Variants in ATP6V1G1 observed in about 807,000 individuals in gnomAD.
ATP6V1G1 encodes V-type proton ATPase subunit G 1.
Under a neutral mutation model 14.2 loss-of-function variants are expected in ATP6V1G1, and 14 were observed. The observed-to-expected ratio is 0.99, with a 90% CI of 0.65 to 1.55. ATP6V1G1 has a LOEUF of 1.55. ATP6V1G1 is among the 40% of genes most tolerant of loss of function. The pLI is 0.00. For synonymous variants in ATP6V1G1, 65 were observed against 53.3 expected, an observed-to-expected ratio of 1.22 and a Z score of -0.96; for missense variants, 137 against 146.4, an observed-to-expected ratio of 0.94 and a Z score of 0.33.
chr9:114,596,256 C>T (rs189856773), intron 2 of ATP6V1G1, among the ~76,000 whole-genome samples: 172 of 152,102 alleles, frequency 1.1e-3, no homozygotes, highest in African/African-American at 4.0e-3. Context: ...GGCGTGGTGG[C>T]TGGCGCCTGT....
intron 1 of ATP6V1G1, chr9:114,588,152 G>T: frequency 3.5e-6 from 2 of 574,126 alleles, no homozygotes; most frequent in Non-Finnish European, 6.2e-6. Context: ...ATGGGTTACC[G>T]TCCTTGGGGC....
At chr9:114,593,213 G>A (rs1320118115) in intron 2 of ATP6V1G1, among the ~76,000 whole-genome samples, 1 of 152,142 alleles carries the variant, frequency 6.6e-6, no homozygotes, top group Non-Finnish European at 1.5e-5. Flanking sequence ...ATGGATAAGG[G>A]CCTCACAGAG....
rs564653861 is a variant in ATP6V1G1, at chr9:114,587,835, C to T, written c.-4C>T. 1.9e-6 allele frequency: 3 copies of T among 1,586,620 alleles called. No individual in the cohort carries two copies. The highest frequency in any genetic ancestry group is 2.6e-6 in the Non-Finnish European group (3 of 1,166,620). On this transcript the variant is annotated 5_prime_UTR_variant, in exon 1 of 3. Coordinates refer to ENST00000374050, the MANE Select transcript of ATP6V1G1 (RefSeq NM_004888.4). ...CTTGCCTTGCTCTCAGAATCGCTGCCGCCATGGCTAGTCAGTCTCAGGGGA... is the reference window on the plus strand; with the variant it reads ...CTTGCCTTGCTCTCAGAATCGCTGCTGCCATGGCTAGTCAGTCTCAGGGGA...
chr9:114,590,260 A>T (rs1845170195), intron 1 of ATP6V1G1, among the ~76,000 whole-genome samples: 1 of 129,554 alleles, frequency 7.7e-6, no homozygotes, highest in African/African-American at 2.9e-5. Flanking sequence ...TACTTCTCAG[A>T]TTTTTTTTTT....
intron 1 of ATP6V1G1, 139 bp downstream of exon 1, chr9:114,588,059 C>A: frequency 2.2e-6 from 2 of 913,068 alleles, no homozygotes; most frequent in Non-Finnish European, 3.3e-6. Flanking sequence ...TGTTTCGAAG[C>A]TTTGAGGAGC....
At chr9:114,593,629 T>A (rs1564274522) in intron 2 of ATP6V1G1, among the ~76,000 whole-genome samples, 1 of 152,170 alleles carries the variant, frequency 6.6e-6, no homozygotes, top group African/African-American at 2.4e-5. Context: ...TCTGAGTAGC[T>A]AGGACTGTAG....
At chr9:114,595,026 T>G (rs986320360) in intron 2 of ATP6V1G1, among the ~76,000 whole-genome samples, 3 of 134,658 alleles carry the variant, frequency 2.2e-5, no homozygotes, top group Non-Finnish European at 3.2e-5. Context: ...CGCCTGGCAG[T>G]TTTTTTTTTT....
intron 2 of ATP6V1G1, among the ~76,000 whole-genome samples, chr9:114,593,904 A>AGGGG (rs1172997742): frequency 6.6e-6 from 1 of 152,182 alleles, no homozygotes; most frequent in African/African-American, 2.4e-5. Flanking sequence ...CAGCCTGGGC[A>AGGGG]ATAAACCAAG....
intron 2 of ATP6V1G1, among the ~76,000 whole-genome samples, chr9:114,593,993 G>A (rs1023001847): frequency 3.3e-5 from 5 of 151,752 alleles, no homozygotes; most frequent in African/African-American, 1.2e-4. Context: ...GGGGCTGATA[G>A]GTGCTGTAAG....
At chr9:114,590,667 G>T (rs900168122) in intron 1 of ATP6V1G1, among the ~76,000 whole-genome samples, 1 of 151,734 alleles carries the variant, frequency 6.6e-6, no homozygotes, top group African/African-American at 2.4e-5. Flanking sequence ...TTATAATTAT[G>T]GTTGATTTGC....
chr9:114,592,698 T>G (rs1845195189), intron 2 of ATP6V1G1, 46 bp downstream of exon 2: 3 of 1,535,814 alleles, frequency 2.0e-6, no homozygotes, highest in Non-Finnish European at 1.8e-6. Context: ...TCTGATCCCC[T>G]GTCCCGCCAA....
intron 1 of ATP6V1G1, 81 bp downstream of exon 1, chr9:114,588,001 C>T (rs1482140565): frequency 7.6e-6 from 11 of 1,445,162 alleles, no homozygotes; most frequent in Non-Finnish European, 8.5e-6. Context: ...TAGATTAGGC[C>T]CGAAAAACTG....
intron 2 of ATP6V1G1, among the ~76,000 whole-genome samples, chr9:114,594,368 G>GC (rs1469239477): frequency 2.7e-5 from 4 of 147,226 alleles, no homozygotes; most frequent in Non-Finnish European, 6.0e-5. Context: ...CGCGCCCAGC[G>GC]CCCCCCGCCC....
intron 1 of ATP6V1G1, among the ~76,000 whole-genome samples, chr9:114,588,577 A>T (rs1044992688): frequency 6.6e-6 from 1 of 151,670 alleles, no homozygotes; most frequent in South Asian, 2.1e-4. Context: ...TGCCCAGTGC[A>T]TCAGTTGTCT....
Position 114,597,821 on chromosome 9 carries a change from A to G in ATP6V1G1, c.*78A>G. ...TGAAGCTTAGCACAGCTCTAGTTAC[A>G]TTCTTATGATATGGCATTAAATTAT... On this transcript the variant is annotated 3_prime_UTR_variant, in exon 3 of 3. Transcript: ENST00000374050. 7.9e-7 allele frequency: 1 copy of G among 1,268,748 alleles called. No individual in the cohort carries two copies. Among genetic ancestry groups the G allele is most frequent in the Non-Finnish European group, 1.0e-6 (1 of 975,254 alleles). The allele number at this position is 1,268,748 out of a possible 1,614,324, so 78.6% of individuals were successfully genotyped here.
At chr9:114,597,225 C>T (rs1369505970) in intron 2 of ATP6V1G1, among the ~76,000 whole-genome samples, 3 of 151,914 alleles carry the variant, frequency 2.0e-5, no homozygotes, top group Admixed American at 2.0e-4. Context: ...CTCCTGACCT[C>T]GTGATCCGCC....
At chr9:114,597,492 A>G in intron 2 of ATP6V1G1, 78 bp from the exon 3 acceptor site, 3 of 1,371,874 alleles carry the variant, frequency 2.2e-6, no homozygotes, top group South Asian at 4.1e-5. Context: ...AAAAGTCAAC[A>G]AGTAGCTTAC....
chr9:114,592,422 T>G (rs900436518), intron 1 of ATP6V1G1, 130 bp from the exon 2 acceptor site: 1 of 897,454 alleles, frequency 1.1e-6, no homozygotes, highest in African/African-American at 1.7e-5. Context: ...GAATTCCCTC[T>G]TTCCCATGCA....
At position 114,598,097 on chromosome 9, in the gene ATP6V1G1, A is replaced by G. The variant is rs1176707083; in HGVS notation, c.*354A>G. Reference sequence around the variant, plus strand: ...ACATAACAATTCTTTGAAGAAAGGAAGGGATTAAATAATTTTTTTCCCTAA... The same window carrying G: ...ACATAACAATTCTTTGAAGAAAGGAGGGGATTAAATAATTTTTTTCCCTAA... On this transcript the variant is annotated 3_prime_UTR_variant, in exon 3 of 3. Coordinates refer to ENST00000374050, the MANE Select transcript of ATP6V1G1 (RefSeq NM_004888.4). The G allele has an allele frequency of 6.4e-6, 1 of 155,094 alleles. No homozygotes were observed. The highest frequency in any genetic ancestry group is 1.4e-5 in the Non-Finnish European group (1 of 70,010). 9.6% of individuals were successfully genotyped at this position (155,094 alleles called of 1,614,324 possible).
Sources: allele counts gnomAD v4.1 joint callset (sites outside exome capture counted in the v4.1 genomes callset), GRCh38; gene constraint gnomAD v4.1.1; transcripts MANE v1.5; gene names NCBI Gene and HGNC (gene_info 2026-07-23, HGNC 2026-07-21).